The following NDUFAF2 variants were observed in gnomAD, a reference collection of about 807,000 sequenced individuals.
NDUFAF2 encodes the protein NADH:ubiquinone oxidoreductase complex assembly factor 2.
Under a neutral mutation model 22.8 loss-of-function variants are expected in NDUFAF2, and 13 were observed. That is an observed-to-expected ratio of 0.57 (90% CI 0.37 to 0.91). The LOEUF (loss-of-function observed/expected upper bound fraction) is 0.91. Ranked by LOEUF, NDUFAF2 falls within the 40% of genes least tolerant of loss-of-function variation. NDUFAF2 has a pLI of 0.01. For synonymous variants in NDUFAF2, 53 were observed against 64.2 expected (o/e 0.83, Z 0.84); for missense variants, 162 against 195.2 (o/e 0.83, Z 1.01).
At chr5:60,950,160 A>G (rs982216868) in intron 1 of NDUFAF2, among the ~76,000 whole-genome samples, 2 of 152,066 alleles carry the variant, frequency 1.3e-5, no homozygotes, top group African/African-American at 4.8e-5. Context: ...CTTGTTCCAT[A>G]TCTTAGAAGA....
chr5:61,144,964 A>G (rs917175311), intron 3 of NDUFAF2, among the ~76,000 whole-genome samples: 1 of 152,188 alleles, frequency 6.6e-6, no homozygotes, highest in African/African-American at 2.4e-5. Context: ...CCTTGCCTTT[A>G]TGGAAAGTTA....
chr5:61,034,953 GTTCTC>G (rs1456123202), intron 1 of NDUFAF2, among the ~76,000 whole-genome samples: 2 of 141,064 alleles, frequency 1.4e-5, no homozygotes, highest in African/African-American at 5.0e-5. Context: ...TAACAAATAT[GTTCTC>G]TTTTGTTAAC....
chr5:61,020,311 C>T (rs1163703527), intron 1 of NDUFAF2, among the ~76,000 whole-genome samples: 2 of 151,976 alleles, frequency 1.3e-5, no homozygotes, highest in East Asian at 3.9e-4. Flanking sequence ...TTCCCACCAA[C>T]CCCCACTGGT....
chr5:61,104,193 A>T (rs1752734286), intron 3 of NDUFAF2, among the ~76,000 whole-genome samples: 1 of 152,102 alleles, frequency 6.6e-6, no homozygotes, highest in Non-Finnish European at 1.5e-5. Context: ...GTGTTGTATA[A>T]GGTGAATTCA....
At chr5:60,993,050 C>A (rs550158092) in intron 1 of NDUFAF2, among the ~76,000 whole-genome samples, 16 of 152,324 alleles carry the variant, frequency 1.1e-4, no homozygotes, top group African/African-American at 3.6e-4. Context: ...GATCCCATGC[C>A]TGCCAAGGGT....
intron 3 of NDUFAF2, among the ~76,000 whole-genome samples, chr5:61,136,546 C>T (rs1057090438): frequency 3.3e-5 from 5 of 152,152 alleles, no homozygotes; most frequent in African/African-American, 4.8e-5. Flanking sequence ...AACTGCCTCC[C>T]GTCTTGAATT....
At chr5:61,066,081 G>C (rs897340181) in intron 1 of NDUFAF2, among the ~76,000 whole-genome samples, 3 of 151,784 alleles carry the variant, frequency 2.0e-5, no homozygotes, top group African/African-American at 2.4e-5. Flanking sequence ...AACTGAAAAA[G>C]ACGTAAAGAA....
chr5:61,126,841 A>C (rs1267543708), intron 3 of NDUFAF2, among the ~76,000 whole-genome samples: 1 of 152,132 alleles, frequency 6.6e-6, no homozygotes, highest in African/African-American at 2.4e-5. Flanking sequence ...AAAATCAATG[A>C]ATCCAGGAGC....
chr5:60,993,330 G>T (rs754590295), intron 1 of NDUFAF2, among the ~76,000 whole-genome samples: 1 of 152,256 alleles, frequency 6.6e-6, no homozygotes, highest in African/African-American at 2.4e-5. Flanking sequence ...GCACTCCCAA[G>T]TCTGGGCTCC....
intron 1 of NDUFAF2, among the ~76,000 whole-genome samples, chr5:61,011,925 C>G (rs1030802851): frequency 6.6e-6 from 1 of 152,076 alleles, no homozygotes; most frequent in Non-Finnish European, 1.5e-5. Context: ...AACTTTCTTA[C>G]CTGCTCTAGC....
intron 1 of NDUFAF2, among the ~76,000 whole-genome samples, chr5:61,025,087 C>A (rs962231392): frequency 3.9e-5 from 6 of 152,024 alleles, no homozygotes; most frequent in Admixed American, 2.6e-4. Flanking sequence ...TAAATTTGTC[C>A]TCCCATAATG....
chr5:61,048,834 A>G (rs1751987664), intron 1 of NDUFAF2, among the ~76,000 whole-genome samples: 1 of 152,114 alleles, frequency 6.6e-6, no homozygotes, highest in Non-Finnish European at 1.5e-5. Flanking sequence ...TTGAGACCAT[A>G]CAAACATCAT....
At chr5:60,946,161 C>T (rs1000587272) in intron 1 of NDUFAF2, among the ~76,000 whole-genome samples, 1 of 152,148 alleles carries the variant, frequency 6.6e-6, no homozygotes, top group Non-Finnish European at 1.5e-5. Flanking sequence ...CCGTCGTAAC[C>T]TCTTCTGTGT....
intron 1 of NDUFAF2, among the ~76,000 whole-genome samples, chr5:61,030,559 A>G (rs1484195892): frequency 6.6e-6 from 1 of 152,032 alleles, no homozygotes; most frequent in Non-Finnish European, 1.5e-5. Context: ...TAGGTCTTTT[A>G]TATATAAAAC....
chr5:61,130,003 A>G (rs1753089078), intron 3 of NDUFAF2, among the ~76,000 whole-genome samples: 1 of 152,088 alleles, frequency 6.6e-6, no homozygotes, highest in Non-Finnish European at 1.5e-5. Context: ...TATAAAAGAA[A>G]AGAAACATTC....
chr5:60,959,087 A>G (rs1750652619), intron 1 of NDUFAF2, among the ~76,000 whole-genome samples: 1 of 152,108 alleles, frequency 6.6e-6, no homozygotes, highest in African/African-American at 2.4e-5. Flanking sequence ...TAAAAATTAT[A>G]ATGAATTAGT....
chr5:61,003,794 A>G (rs573631897), intron 1 of NDUFAF2, among the ~76,000 whole-genome samples: 2 of 151,682 alleles, frequency 1.3e-5, no homozygotes, highest in Admixed American at 6.6e-5. Context: ...AGTAGTTAGG[A>G]CTACAGGCAT....
intron 2 of NDUFAF2, among the ~76,000 whole-genome samples, chr5:61,097,722 A>G (rs1332955272): frequency 6.6e-6 from 1 of 152,180 alleles, no homozygotes; most frequent in Non-Finnish European, 1.5e-5. Context: ...TTATTTTTCT[A>G]ACATGTAGTT....
chr5:61,123,756 G>A (rs1458874267), intron 3 of NDUFAF2, among the ~76,000 whole-genome samples: 1 of 152,178 alleles, frequency 6.6e-6, no homozygotes, highest in Non-Finnish European at 1.5e-5. Flanking sequence ...AATTAGCAAT[G>A]AAGGTGTAAA....
Sources: gnomAD v4.1 joint callset for allele counts (sites outside exome capture counted in the v4.1 genomes callset) on GRCh38, gnomAD v4.1.1 for gene constraint, MANE v1.5 for transcripts, NCBI Gene and HGNC (gene_info 2026-07-23, HGNC 2026-07-21) for gene names.